The following SND1 variants were observed in gnomAD, a reference collection of about 807,000 sequenced individuals.
The protein encoded by SND1 is staphylococcal nuclease domain-containing protein 1.
In SND1, 38 loss-of-function variants were observed where a neutral mutation model predicts 121.7. The ratio of observed to expected loss-of-function variants is 0.31; its 90% CI spans 0.24 to 0.41. The LOEUF (loss-of-function observed/expected upper bound fraction) is 0.41. SND1 is among the 10% of genes least tolerant of loss of function. The pLI is 1.00. For synonymous variants in SND1, 401 were observed against 447.4 expected, an observed-to-expected ratio of 0.90 and a Z score of 1.31; for missense variants, 868 against 1,184.6, an observed-to-expected ratio of 0.73 and a Z score of 3.92.
At chr7:128,068,471 C>A (rs997802983) in intron 16 of SND1, among the ~76,000 whole-genome samples, 1 of 152,158 alleles carries the variant, frequency 6.6e-6, no homozygotes, top group East Asian at 1.9e-4. Flanking sequence ...GGACTTGGTC[C>A]CCACTGCCTG....
At chr7:127,680,644 T>G (rs1795706104) in intron 1 of SND1, among the ~76,000 whole-genome samples, 1 of 151,868 alleles carries the variant, frequency 6.6e-6, no homozygotes, top group Admixed American at 6.6e-5. Flanking sequence ...TCCCTGAACG[T>G]TGCTGTTATC....
Position 127,702,472 on chromosome 7 carries a change from G to C in SND1, c.627G>C (p.Arg209Ser). The C allele has an allele frequency of 6.2e-7, 1 of 1,614,066 alleles. No homozygotes were observed. The highest frequency in any genetic ancestry group is 8.5e-7 in the Non-Finnish European group (1 of 1,179,958). ...ATGTGCGGGACGGCAGTGTGGTCAG[G>C]GCCCTGCTCCTCCCAGATTACTACC... ...IEHVRDGSVVRALLLPDYYLV... is the reference protein window; with the variant it reads ...IEHVRDGSVVSALLLPDYYLV... The change falls in exon 6 of 24, where the codon AGG becomes AGC. Residue 209 changes from arginine (R) to serine (S), a missense_variant. Transcript: ENST00000354725.
At chr7:128,013,733 G>C (rs1187491483) in intron 16 of SND1, among the ~76,000 whole-genome samples, 7 of 152,230 alleles carry the variant, frequency 4.6e-5, no homozygotes, top group Non-Finnish European at 8.8e-5. Context: ...CTATGAGACT[G>C]TAATGCCACT....
intron 11 of SND1, among the ~76,000 whole-genome samples, chr7:127,823,528 C>T (rs143140922): frequency 5.8e-4 from 88 of 152,274 alleles, no homozygotes; most frequent in African/African-American, 2.0e-3. Context: ...GCAAAGTATG[C>T]ACCCTACCAG....
intron 10 of SND1, among the ~76,000 whole-genome samples, chr7:127,722,050 T>C (rs1195259914): frequency 6.6e-6 from 1 of 152,174 alleles, no homozygotes; most frequent in African/African-American, 2.4e-5. Context: ...ATGACAGTTA[T>C]GTAGCCATAA....
chr7:127,923,000 A>G (rs976351502), intron 14 of SND1, among the ~76,000 whole-genome samples: 3 of 152,104 alleles, frequency 2.0e-5, no homozygotes, highest in Non-Finnish European at 2.9e-5. Flanking sequence ...ATGATTTTCC[A>G]TTTTTTAAGA....
chr7:127,992,257 C>T (rs1238027506), intron 16 of SND1, among the ~76,000 whole-genome samples: 1 of 152,164 alleles, frequency 6.6e-6, no homozygotes, highest in Non-Finnish European at 1.5e-5. Flanking sequence ...ATGGAAGGTG[C>T]TTCCCCCTCT....
intron 15 of SND1, among the ~76,000 whole-genome samples, chr7:127,971,756 C>T (rs985097981): frequency 6.6e-6 from 1 of 151,566 alleles, no homozygotes; most frequent in Non-Finnish European, 1.5e-5. Flanking sequence ...CGTAAGTATA[C>T]AGCTTGCTGA....
At chr7:127,993,427 G>A (rs189848777) in intron 16 of SND1, among the ~76,000 whole-genome samples, 2 of 152,268 alleles carry the variant, frequency 1.3e-5, no homozygotes, top group African/African-American at 4.8e-5. Context: ...GGTCCTTCCC[G>A]CCCTCAGCAG....
intron 10 of SND1, among the ~76,000 whole-genome samples, chr7:127,725,563 G>C (rs1194906594): frequency 6.6e-6 from 1 of 152,146 alleles, no homozygotes; most frequent in Non-Finnish European, 1.5e-5. Context: ...TTGTAGTTGC[G>C]GAAACATGGA....
chr7:127,901,739 A>C (rs1329871066), intron 13 of SND1, among the ~76,000 whole-genome samples: 1 of 152,214 alleles, frequency 6.6e-6, no homozygotes, highest in Non-Finnish European at 1.5e-5. Context: ...ATGCTGGTAC[A>C]GTGCTACTTT....
At chr7:127,951,520 G>GT (rs2116855234) in intron 15 of SND1, among the ~76,000 whole-genome samples, 1 of 152,274 alleles carries the variant, frequency 6.6e-6, no homozygotes, top group African/African-American at 2.4e-5. Flanking sequence ...TGTGCCTATT[G>GT]TAAGAGTACT....
chr7:128,039,854 C>T (rs911015806), intron 16 of SND1, among the ~76,000 whole-genome samples: 9 of 152,160 alleles, frequency 5.9e-5, no homozygotes, highest in African/African-American at 2.2e-4. Flanking sequence ...AATGTTAGGA[C>T]AATCACCACT....
intron 10 of SND1, among the ~76,000 whole-genome samples, chr7:127,795,332 A>T (rs1260263278): frequency 6.6e-6 from 1 of 152,184 alleles, no homozygotes; most frequent in African/African-American, 2.4e-5. Context: ...CTTTTCTTCC[A>T]ATTTAACCTC....
intron 15 of SND1, among the ~76,000 whole-genome samples, chr7:127,983,933 C>T (rs1423218383): frequency 6.6e-6 from 1 of 152,060 alleles, no homozygotes; most frequent in African/African-American, 2.4e-5. Context: ...ATAATTACAC[C>T]CCCTGTTTTC....
intron 15 of SND1, among the ~76,000 whole-genome samples, chr7:127,969,667 G>T (rs1801937564): frequency 6.6e-6 from 1 of 152,216 alleles, no homozygotes; most frequent in African/African-American, 2.4e-5. Flanking sequence ...GGCGGAGCTT[G>T]CAGTGAGCTG....
chr7:127,828,471 A>T (rs1418264037), intron 11 of SND1, among the ~76,000 whole-genome samples: 2 of 152,012 alleles, frequency 1.3e-5, no homozygotes, highest in African/African-American at 2.4e-5. Context: ...CAGCGATTAC[A>T]GTAAATTCCT....
chr7:127,854,136 T>C (rs1369640586), intron 12 of SND1, among the ~76,000 whole-genome samples: 1 of 152,204 alleles, frequency 6.6e-6, no homozygotes, highest in Non-Finnish European at 1.5e-5. Flanking sequence ...CTGTTTTGTT[T>C]TGTTTTGAGA....
chr7:128,053,252 T>G (rs978918966), intron 16 of SND1, among the ~76,000 whole-genome samples: 1 of 152,244 alleles, frequency 6.6e-6, no homozygotes, highest in African/African-American at 2.4e-5. Flanking sequence ...TGCTTCTGTT[T>G]CCTCTTCCTA....
Sources: allele counts gnomAD v4.1 joint callset (sites outside exome capture counted in the v4.1 genomes callset), GRCh38; gene constraint gnomAD v4.1.1; transcripts MANE v1.5; gene names NCBI Gene and HGNC (gene_info 2026-07-23, HGNC 2026-07-21).